ADGRG6: variants seen among roughly 807,000 people sequenced by gnomAD.
ADGRG6 encodes adhesion G protein-coupled receptor G6.
Under a neutral mutation model 142.4 loss-of-function variants are expected in ADGRG6, and 84 were observed. The observed-to-expected ratio is 0.59, with a 90% CI of 0.49 to 0.71. The LOEUF is 0.71. ADGRG6 is among the 30% of genes least tolerant of loss of function. ADGRG6 has a pLI of 0.00. For synonymous variants in ADGRG6, 521 were observed against 520.5 expected (o/e 1.00, Z -0.01); for missense variants, 1,367 against 1,466.6 (o/e 0.93, Z 1.11).
rs753760891 is a variant in ADGRG6 at position 142,370,296 on chromosome 6, A to G, written c.572A>G (p.Lys191Arg). Residue 191 changes from lysine to arginine, a missense_variant, in exon 4 of 25, where the codon AAA (lysine) becomes AGA (arginine). Lys to Arg is a conservative substitution (Grantham distance 26). This residue lies in a region of ADGRG6 where 737 missense variants were observed against 746.5 expected (regional missense o/e 0.99). Coordinates refer to ENST00000367609, the MANE Select transcript of ADGRG6 (RefSeq NM_198569.3). ...SAFTLCFEATKVGHEDSDWTA... is the reference protein window; with the variant it reads ...SAFTLCFEATRVGHEDSDWTA... ...TTCACACTCTGCTTTGAAGCAACCA[A>G]AGTTGGCCATGAAGACAGTGATTGG... is the stretch of plus-strand genomic sequence containing the variant. 6 of 1,613,858 alleles carry G rather than the reference A, an allele frequency of 3.7e-6. No homozygotes were observed. In the South Asian group the frequency reaches 6.6e-5, roughly 18 times the overall value.
intron 2 of ADGRG6, among the ~76,000 whole-genome samples, chr6:142,356,389 G>C (rs147113063): frequency 3.4e-4 from 52 of 152,320 alleles, no homozygotes; most frequent in Non-Finnish European, 6.5e-4. Flanking sequence ...ATGTACCCCA[G>C]AAGTCAGGAT....
At chr6:142,358,765 C>T (rs1283986691) in intron 2 of ADGRG6, among the ~76,000 whole-genome samples, 1 of 151,978 alleles carries the variant, frequency 6.6e-6, no homozygotes, top group African/African-American at 2.4e-5. Flanking sequence ...ATTAGCTGGG[C>T]ATGGTGGCAC....
intron 2 of ADGRG6, among the ~76,000 whole-genome samples, chr6:142,349,014 C>T (rs1332081886): frequency 6.6e-6 from 1 of 152,210 alleles, no homozygotes; most frequent in African/African-American, 2.4e-5. Flanking sequence ...AATGCCATCA[C>T]ATTTTAAAGC....
At chr6:142,441,150 A>C (rs1411713219) in intron 24 of ADGRG6, among the ~76,000 whole-genome samples, 1 of 152,188 alleles carries the variant, frequency 6.6e-6, no homozygotes, top group Admixed American at 6.5e-5. Flanking sequence ...TCTTCTCTGC[A>C]TGGGGTATCT....
chr6:142,347,207 G>A (rs1220189401), intron 2 of ADGRG6, among the ~76,000 whole-genome samples: 1 of 152,166 alleles, frequency 6.6e-6, no homozygotes, highest in Non-Finnish European at 1.5e-5. Context: ...AGAGGGAACA[G>A]ATATGTTGAA....
chr6:142,384,478 G>T (rs548853471), intron 6 of ADGRG6, among the ~76,000 whole-genome samples: 1 of 151,920 alleles, frequency 6.6e-6, no homozygotes, highest in Non-Finnish European at 1.5e-5. Flanking sequence ...AGCAGTGTAC[G>T]GTAAGAAATA....
chr6:142,343,600 T>G (rs1254572233), intron 2 of ADGRG6, among the ~76,000 whole-genome samples: 2 of 151,908 alleles, frequency 1.3e-5, no homozygotes. Context: ...CAATTATACA[T>G]TTTAAATTAC....
rs534245573 is a variant in ADGRG6 at position 142,339,714 on chromosome 6, A to G, written c.104-27855A>G. Reference sequence around the variant, plus strand: ...ATGTTTTGACCTCAAGAATTATTATATGCTTTACTAGAAGCACAGAATACA... The same window carrying G: ...ATGTTTTGACCTCAAGAATTATTATGTGCTTTACTAGAAGCACAGAATACA... On this transcript the variant is annotated intron_variant, in intron 2 of 24. Coordinates refer to ENST00000367609, the MANE Select transcript of ADGRG6 (RefSeq NM_198569.3). 3.3e-5 allele frequency among the ~76,000 whole-genome samples: 5 copies of G among 152,270 alleles called. No individual in the cohort carries two copies. The South Asian group carries it at 1.0e-3, about 32-fold the overall frequency.
intron 22 of ADGRG6, among the ~76,000 whole-genome samples, chr6:142,425,054 T>G (rs187794243): frequency 7.4e-4 from 112 of 152,272 alleles, no homozygotes; most frequent in African/African-American, 2.3e-3. Flanking sequence ...AACTCATATA[T>G]CCTGAGAACA....
chr6:142,419,581 A>C (rs1776554078), intron 21 of ADGRG6, among the ~76,000 whole-genome samples: 1 of 152,124 alleles, frequency 6.6e-6, no homozygotes, highest in Non-Finnish European at 1.5e-5. Flanking sequence ...TCAGGAAGCA[A>C]CCTTGTCTTC....
At chr6:142,428,197 A>G (rs1372928731) in intron 22 of ADGRG6, among the ~76,000 whole-genome samples, 1 of 152,080 alleles carries the variant, frequency 6.6e-6, no homozygotes, top group Non-Finnish European at 1.5e-5. Context: ...TGAAGAGTCT[A>G]TCTATAAAAT....
intron 22 of ADGRG6, among the ~76,000 whole-genome samples, chr6:142,430,784 A>C (rs1440557522): frequency 6.6e-6 from 1 of 152,192 alleles, no homozygotes; most frequent in Non-Finnish European, 1.5e-5. Context: ...TCAAAAGTTA[A>C]ATTCACTACT....
intron 6 of ADGRG6, among the ~76,000 whole-genome samples, chr6:142,389,205 G>C (rs1177947209): frequency 6.6e-6 from 1 of 151,966 alleles, no homozygotes; most frequent in East Asian, 1.9e-4. Context: ...TAGTGGGACT[G>C]GAATTTGCAT....
Position 142,409,913 on chromosome 6 carries a change from A to C in ADGRG6, c.2428A>C (p.Lys810Gln), listed in dbSNP as rs750179017. 3.5e-6 allele frequency: 5 copies of C among 1,447,706 alleles called. No homozygotes were observed. The highest frequency in any genetic ancestry group is 4.8e-6 in the Non-Finnish European group (5 of 1,044,462). The allele number at this position is 1,447,706 out of a possible 1,614,324, so 89.7% of individuals were successfully genotyped here. A position where few individuals can be genotyped will look rare whatever the true frequency, so the allele number is the denominator to read the frequency against. The change falls in exon 17 of 25, where the codon AAA (lysine) becomes CAA (glutamine). Residue 810 changes from lysine (K) to glutamine (Q), a missense_variant. Lys to Gln is a moderately conservative substitution (Grantham distance 53). This residue lies in a region of ADGRG6 where 286 missense variants were observed against 371.4 expected (regional missense o/e 0.77). Coordinates refer to ENST00000367609, the MANE Select transcript of ADGRG6 (RefSeq NM_198569.3). ...CATCTGTGCCTTCTGGGATCTGAAC[A>C]AAAACAGTAAGTTTTAAAATATTGG... The part of the protein sequence containing the change: ...HPICAFWDLN[K>Q]NKSFGGWNTS...
chr6:142,398,288 G>T (rs760825612), intron 10 of ADGRG6, among the ~76,000 whole-genome samples: 1 of 152,192 alleles, frequency 6.6e-6, no homozygotes, highest in Non-Finnish European at 1.5e-5. Flanking sequence ...GTTGGGTGTT[G>T]TGCTGTGCAC....
At chr6:142,352,589 C>G (rs1780239841) in intron 2 of ADGRG6, among the ~76,000 whole-genome samples, 1 of 152,042 alleles carries the variant, frequency 6.6e-6, no homozygotes, top group African/African-American at 2.4e-5. Context: ...AACAAACCAC[C>G]TGTACCCTCT....
At chr6:142,382,697 T>C (rs1781827359) in intron 5 of ADGRG6, among the ~76,000 whole-genome samples, 1 of 152,224 alleles carries the variant, frequency 6.6e-6, no homozygotes, top group Non-Finnish European at 1.5e-5. Flanking sequence ...CCTTTTCATC[T>C]ATTTATTCTA....
chr6:142,414,930 A>T, intron 18 of ADGRG6, 39 bp from the exon 19 acceptor site: 1 of 1,573,706 alleles, frequency 6.4e-7, no homozygotes, highest in South Asian at 1.2e-5. Flanking sequence ...TTCTCATGAG[A>T]AGAGAGTTTC....
intron 1 of ADGRG6, among the ~76,000 whole-genome samples, chr6:142,304,385 T>C (rs1343653834): frequency 6.6e-6 from 1 of 152,208 alleles, no homozygotes; most frequent in Non-Finnish European, 1.5e-5. Context: ...TTAGCAGATG[T>C]AGCAAGACTT....
Sources: gnomAD v4.1 joint callset for allele counts (sites outside exome capture counted in the v4.1 genomes callset) on GRCh38, gnomAD v4.1.1 for gene constraint, gnomAD v4.1.1 regional missense constraint, MANE v1.5 for transcripts, NCBI Gene and HGNC (gene_info 2026-07-23, HGNC 2026-07-21) for gene names.